The following USP24 variants were observed in gnomAD, a reference collection of about 807,000 sequenced individuals.
The protein encoded by USP24 is ubiquitin carboxyl-terminal hydrolase 24.
In USP24, 97 loss-of-function variants were observed where a neutral mutation model predicts 361.6. The observed-to-expected ratio is 0.27, with a 90% CI of 0.23 to 0.32. The LOEUF is 0.32. Ranked by LOEUF, USP24 falls within the 10% of genes least tolerant of loss-of-function variation. The pLI, the probability that USP24 is intolerant of heterozygous loss-of-function variation, is 1.00. For missense variants in USP24, 2,353 were observed against 3,165.6 expected, an observed-to-expected ratio of 0.74 and a Z score of 6.16; for synonymous variants, 1,098 against 1,124.6, an observed-to-expected ratio of 0.98 and a Z score of 0.47.
chr1:55,176,232 C>A (rs1416498160), intron 3 of USP24, 144 bp downstream of exon 3: 2 of 550,378 alleles, frequency 3.6e-6, no homozygotes, highest in South Asian at 7.7e-5. Context: ...TTCCGTTTTT[C>A]ATATTAGAGG....
chr1:55,107,225 G>A lies in USP24; in HGVS notation c.4762+14C>T, dbSNP rs1159048357. 6 of 1,603,754 alleles carry A rather than the reference G, an allele frequency of 3.7e-6. No individual in the cohort carries two copies. Among genetic ancestry groups the A allele is most frequent in the Non-Finnish European group, 5.1e-6 (6 of 1,175,050 alleles). ...TGAAGAATCTGCCATGTGATAAGAT[G>A]GAGCAATAATTACCAAGCATTTCCT... is the stretch of plus-strand genomic sequence containing the variant. On this transcript the variant is annotated intron_variant, in intron 40 of 67. Coordinates refer to ENST00000294383, the MANE Select transcript of USP24 (RefSeq NM_015306.3).
chr1:55,097,298 T>C, intron 48 of USP24, 126 bp from the exon 49 acceptor site: 3 of 1,148,788 alleles, frequency 2.6e-6, no homozygotes, highest in Admixed American at 5.4e-5. Flanking sequence ...ACCTCACCAG[T>C]TCAAGTATAA....
intron 1 of USP24, among the ~76,000 whole-genome samples, chr1:55,199,802 T>C (rs1644521741): frequency 6.6e-6 from 1 of 152,164 alleles, no homozygotes; most frequent in South Asian, 2.1e-4. Context: ...TATTAGTCCA[T>C]TTTCATGCCA....
At chr1:55,071,338 A>C (rs1644914525) in intron 67 of USP24, 2 of 992,618 alleles carry the variant, frequency 2.0e-6, no homozygotes, top group Non-Finnish European at 1.2e-6. Context: ...ATTGGTATTA[A>C]AGCTGTTTTT....
At chr1:55,083,672 T>TA (rs1340512851) in intron 57 of USP24, 100 bp downstream of exon 57, 1 of 895,916 alleles carries the variant, frequency 1.1e-6, no homozygotes, top group Non-Finnish European at 1.7e-6. Context: ...AGAAACATCA[T>TA]AAAAAACATA....
At position 55,198,123 on chromosome 1, in the gene USP24, T is replaced by C. The variant is rs188243955; in HGVS notation, c.324+16667A>G. ...TAAAACCCCACTGAAAGCACATTTA[T>C]ATTTCTTTTTTAAAAAAATATTAAA... On this transcript the variant is annotated intron_variant, in intron 1 of 67. Transcript: ENST00000294383. Among the ~76,000 whole-genome samples, 245 of 147,798 alleles carry C rather than the reference T, an allele frequency of 1.7e-3. 3 individuals are homozygous for C. In the South Asian group the frequency reaches 0.021, roughly 12 times the overall value.
intron 52 of USP24, among the ~76,000 whole-genome samples, chr1:55,093,305 T>G (rs1645422427): frequency 6.6e-6 from 1 of 152,238 alleles, no homozygotes. Context: ...GACTCGATAT[T>G]TTTCTCAAAT....
intron 59 of USP24, among the ~76,000 whole-genome samples, chr1:55,080,566 C>T (rs1010151994): frequency 6.6e-6 from 1 of 152,124 alleles, no homozygotes; most frequent in Non-Finnish European, 1.5e-5. Context: ...GGATCAAACA[C>T]AGTAAGTTTA....
At chr1:55,125,202 A>G (rs1187745669) in intron 34 of USP24, 118 bp downstream of exon 34, 14 of 928,452 alleles carry the variant, frequency 1.5e-5, no homozygotes, top group Non-Finnish European at 2.1e-5. Flanking sequence ...AGTCACCATA[A>G]ATTTCTTGAA....
intron 8 of USP24, among the ~76,000 whole-genome samples, chr1:55,161,090 T>C (rs1260435144): frequency 6.6e-6 from 1 of 152,048 alleles, no homozygotes; most frequent in East Asian, 1.9e-4. Flanking sequence ...ATTACAGAAA[T>C]TGGCTAGGTA....
chr1:55,113,683 C>T (rs936876203), intron 38 of USP24, among the ~76,000 whole-genome samples: 6 of 152,142 alleles, frequency 3.9e-5, no homozygotes, highest in African/African-American at 7.2e-5. Flanking sequence ...CTATCCACCA[C>T]GATCAAGTTG....
intron 12 of USP24, among the ~76,000 whole-genome samples, chr1:55,155,965 C>G (rs1190112763): frequency 1.3e-5 from 2 of 152,118 alleles, no homozygotes; most frequent in Admixed American, 6.5e-5. Flanking sequence ...TGCTCCTCTA[C>G]CTTACTTAGG....
chr1:55,075,597 T>G, intron 62 of USP24, 74 bp from the exon 63 acceptor site: 1 of 1,018,606 alleles, frequency 9.8e-7, no homozygotes, highest in Non-Finnish European at 1.5e-6. Context: ...TTCTTTATAA[T>G]TCTACCCAAG....
chr1:55,177,458 T>C (rs1441087725), intron 2 of USP24, among the ~76,000 whole-genome samples: 1 of 152,106 alleles, frequency 6.6e-6, no homozygotes, highest in Non-Finnish European at 1.5e-5. Flanking sequence ...AAATACACCA[T>C]ATTCTGGCCA....
Position 55,146,050 on chromosome 1 carries a change from C to T in USP24, c.2310G>A (p.Gln770=). Residue 770 remains glutamine (Q), a synonymous_variant, in exon 20 of 68, where the codon CAG becomes CAA. Transcript: ENST00000294383. The part of the protein sequence containing the change: ...QHDLESDVQQ[Q]LFKEKILKLE... ...ATTTAAGAATTTTCTCCTTGAAGAGCTGCTGCTGAACATCACTCTCAAGAT... is the reference window on the plus strand; with the variant it reads ...ATTTAAGAATTTTCTCCTTGAAGAGTTGCTGCTGAACATCACTCTCAAGAT... 6.2e-7 allele frequency: 1 copy of T among 1,613,068 alleles called. No individual in the cohort carries two copies. The highest frequency in any genetic ancestry group is 1.1e-5 in the South Asian group (1 of 91,062).
intron 35 of USP24, among the ~76,000 whole-genome samples, chr1:55,124,136 G>GT (rs1257610685): frequency 6.6e-6 from 1 of 152,096 alleles, no homozygotes; most frequent in African/African-American, 2.4e-5. Context: ...GAAAAGAACT[G>GT]TTTTCCAGGA....
chr1:55,189,758 T>C (rs923600469), intron 1 of USP24, among the ~76,000 whole-genome samples: 2 of 152,190 alleles, frequency 1.3e-5, no homozygotes, highest in Non-Finnish European at 2.9e-5. Flanking sequence ...TCAATGATTA[T>C]AGTCACTAAA....
At chr1:55,075,583 T>C (rs553757975) in intron 62 of USP24, 60 bp from the exon 63 acceptor site, 2 of 1,281,044 alleles carry the variant, frequency 1.6e-6, no homozygotes, top group East Asian at 2.5e-5. Flanking sequence ...TAGCCACGGG[T>C]GCTTTCTTTA....
chr1:55,107,238 C>G lies in USP24; in HGVS notation c.4762+1G>C. The G allele has an allele frequency of 6.2e-7, 1 of 1,608,998 alleles. No homozygotes were observed. On this transcript the variant is annotated splice_donor_variant, in intron 40 of 67. Transcript: ENST00000294383. LOFTEE classifies it high-confidence loss of function. ...ATGTGATAAGATGGAGCAATAATTA[C>G]CAAGCATTTCCTTTTCTGCCCCACA...
Sources: allele counts gnomAD v4.1 joint callset (sites outside exome capture counted in the v4.1 genomes callset), GRCh38; gene constraint gnomAD v4.1.1; transcripts MANE v1.5; gene names NCBI Gene and HGNC (gene_info 2026-07-23, HGNC 2026-07-21).